The following CLTRN variants were observed in gnomAD, a reference collection of about 807,000 sequenced individuals.
CLTRN encodes the protein collectrin, amino acid transport regulator.
In CLTRN, 12 loss-of-function variants were observed where a neutral mutation model predicts 14.5. That is an observed-to-expected ratio of 0.83 (90% CI 0.53 to 1.34). The LOEUF (loss-of-function observed/expected upper bound fraction) is 1.34, where lower values mean the gene tolerates loss of function less well. Among genes scored for constraint, CLTRN ranks in the 40% most tolerant of loss-of-function variants. CLTRN has a pLI of 0.00. For synonymous variants in CLTRN, 58 were observed against 56.5 expected (o/e 1.03, Z -0.12); for missense variants, 154 against 165.1 (o/e 0.93, Z 0.37).
intron 3 of CLTRN, chrX:15,646,224 A>G (rs1929063156): frequency 4.4e-6 from 1 of 228,340 alleles, no homozygotes; most frequent in Non-Finnish European, 8.3e-6. Context: ...CTCCTGCCCC[A>G]TGCAACACTT....
At chrX:15,654,151 T>C (rs778066539) in intron 3 of CLTRN, among the ~76,000 whole-genome samples, 3 of 111,845 alleles carry the variant, frequency 2.7e-5, no homozygotes, top group Non-Finnish European at 5.6e-5. Context: ...TGGGCTGCTG[T>C]TTTACAAGCA....
intron 5 of CLTRN, 61 bp downstream of exon 5, chrX:15,639,501 T>C (rs1164725340): frequency 1.9e-6 from 2 of 1,040,482 alleles, no homozygotes; most frequent in Admixed American, 5.6e-5. Flanking sequence ...CTCTCCTGAT[T>C]TGTCCAAGTC....
intron 5 of CLTRN, among the ~76,000 whole-genome samples, chrX:15,638,722 T>C (rs1445027822): frequency 8.9e-6 from 1 of 111,873 alleles, no homozygotes; most frequent in Non-Finnish European, 1.9e-5. Flanking sequence ...CTCCTCTTCT[T>C]CTCCACTACC....
intron 5 of CLTRN, among the ~76,000 whole-genome samples, chrX:15,630,381 A>G (rs1007605810): frequency 9.8e-6 from 1 of 102,405 alleles, no homozygotes; most frequent in Non-Finnish European, 1.9e-5. Flanking sequence ...GGAAGGAAGG[A>G]AGGAAGGAAG....
chrX:15,663,122 C>G (rs930162101), intron 2 of CLTRN, among the ~76,000 whole-genome samples: 2 of 112,013 alleles, frequency 1.8e-5, no homozygotes, highest in African/African-American at 6.5e-5. Context: ...AGCCGAAGTG[C>G]CCTTGTACTT....
chrX:15,642,866 G>A (rs1390752763), intron 4 of CLTRN, among the ~76,000 whole-genome samples: 1 of 110,227 alleles, frequency 9.1e-6, no homozygotes, highest in African/African-American at 3.3e-5. Context: ...TCTGAGGCAG[G>A]AGGATCGCCT....
At chrX:15,671,122 T>A (rs992938319) in intron 1 of CLTRN, among the ~76,000 whole-genome samples, 11 of 111,525 alleles carry the variant, frequency 9.9e-5, no homozygotes, top group Admixed American at 1.9e-4. Context: ...GTCTCTGCCC[T>A]TCAGGAACTT....
In CLTRN at chrX:15,636,737, C is replaced by T. The variant is rs143604123; in HGVS notation, c.512+2825G>A. ...TCTTAATCATAGCAATGGCTTAAGC[C>T]GATCTTGGATAATCATAATTACTGT... On this transcript the variant is annotated intron_variant, in intron 5 of 5. Transcript: ENST00000380342. Among the ~76,000 whole-genome samples, 615 of 111,368 alleles carry T rather than the reference C, an allele frequency of 5.5e-3. 4 individuals carry two copies. Among genetic ancestry groups the T allele is most frequent in the African/African-American group, 0.019 (570 of 30,693 alleles).
At chrX:15,650,176 C>T (rs1929182408) in intron 3 of CLTRN, among the ~76,000 whole-genome samples, 1 of 104,613 alleles carries the variant, frequency 9.6e-6, no homozygotes, top group Admixed American at 1.1e-4. Flanking sequence ...GCAGGGAACC[C>T]CCCCACCAAG....
chrX:15,631,314 T>C (rs1928689491), intron 5 of CLTRN, among the ~76,000 whole-genome samples: 1 of 112,286 alleles, frequency 8.9e-6, no homozygotes, highest in Non-Finnish European at 1.9e-5. Context: ...GATATTTGTA[T>C]ATGTTAAGTA....
chrX:15,652,499 G>A (rs1474184174), intron 3 of CLTRN, among the ~76,000 whole-genome samples: 1 of 108,940 alleles, frequency 9.2e-6, no homozygotes, highest in Non-Finnish European at 1.9e-5. Flanking sequence ...AGGGAGGGGA[G>A]TGAGAAACCT....
rs753150976 is a variant in CLTRN at position 15,644,984 on chromosome X, G to A, written c.249C>T (p.Phe83=). 45 of 1,205,095 alleles carry A rather than the reference G, an allele frequency of 3.7e-5. No homozygotes were observed. Among genetic ancestry groups the A allele is most frequent in the Admixed American group, 1.8e-4 (8 of 45,123 alleles). The stretch of plus-strand genomic sequence containing the variant: ...TTGAAGGGTCTGTAACCACAAACCA[G>A]AATGATACCCTCTGGGTTACATTGC... ...LLCNVTQRVS[F]WFVVTDPSKN... The change falls in exon 4 of 6, where the codon TTC becomes TTT. Residue 83 remains phenylalanine, a synonymous_variant. Transcript: ENST00000380342.
chrX:15,649,011 T>G (rs865883988), intron 3 of CLTRN, among the ~76,000 whole-genome samples: 24 of 112,129 alleles, frequency 2.1e-4, no homozygotes, highest in Middle Eastern at 4.6e-3. Flanking sequence ...CTTTAAATAC[T>G]GTTCAAACAT....
At chrX:15,638,893 G>A (rs957193582) in intron 5 of CLTRN, among the ~76,000 whole-genome samples, 46 of 112,092 alleles carry the variant, frequency 4.1e-4, no homozygotes, top group Admixed American at 1.1e-3. Context: ...CAATGAATAA[G>A]GATGACCTGA....
At chrX:15,665,636 A>T (rs1008689433), upstream of CLTRN, among the ~76,000 whole-genome samples, 1 of 112,454 alleles carries the variant, frequency 8.9e-6, no homozygotes, top group Non-Finnish European at 1.9e-5. Context: ...GAGGCCATTG[A>T]GCACTGGAAA....
chrX:15,639,475 C>T (rs998198441), intron 5 of CLTRN, 87 bp downstream of exon 5: 64 of 857,373 alleles, frequency 7.5e-5, no homozygotes, highest in Non-Finnish European at 1.0e-4. Context: ...GCATTATCTT[C>T]AGCCAGAGGA....
At chrX:15,634,450 T>A (rs1928769250) in intron 5 of CLTRN, among the ~76,000 whole-genome samples, 1 of 110,035 alleles carries the variant, frequency 9.1e-6, no homozygotes, top group Non-Finnish European at 1.9e-5. Context: ...TTCATCACCA[T>A]CACCATCACC....
At chrX:15,637,121 G>A (rs1271644046) in intron 5 of CLTRN, among the ~76,000 whole-genome samples, 1 of 111,387 alleles carries the variant, frequency 9.0e-6, no homozygotes, top group Non-Finnish European at 1.9e-5. Context: ...GAAGCAGAAT[G>A]GTGACTTAGA....
rs780874269 is a variant in CLTRN at position 15,659,018 on chromosome X, T to A, written c.201A>T (p.Thr67=). Residue 67 remains threonine (T), a splice_region_variant and synonymous_variant, in exon 3 of 6, where the codon ACA becomes ACT. Coordinates refer to ENST00000380342, the MANE Select transcript of CLTRN (RefSeq NM_020665.6). Reference sequence around the variant, plus strand: ...AAGATTTCTCATTATTTGCTTACTCTGTTGCTTCTCTGTTGGGAACTTTTC... The same window carrying A: ...AAGATTTCTCATTATTTGCTTACTCAGTTGCTTCTCTGTTGGGAACTTTTC... ...SMRKVPNREA[T]EISHVLLCNV... is the part of the protein sequence containing the mutation. 3.5e-6 allele frequency: 4 copies of A among 1,129,720 alleles called. No homozygotes were observed. Among genetic ancestry groups the A allele is most frequent in the Non-Finnish European group, 3.6e-6 (3 of 828,969 alleles). The allele number at this position is 1,129,720 out of a possible 1,213,427, so 93.1% of individuals were successfully genotyped here. A position where few individuals can be genotyped will look rare whatever the true frequency, so the allele number is the denominator to read the frequency against.
Sources: gnomAD v4.1 joint callset for allele counts (sites outside exome capture counted in the v4.1 genomes callset) on GRCh38, gnomAD v4.1.1 for gene constraint, MANE v1.5 for transcripts, NCBI Gene and HGNC (gene_info 2026-07-23, HGNC 2026-07-21) for gene names.